TBC1D32: variants seen among roughly 807,000 people sequenced by gnomAD.
TBC1D32 encodes the protein protein broad-minded.
A neutral mutation model predicts 170.3 loss-of-function variants in TBC1D32; 151 were observed. The ratio of observed to expected loss-of-function variants is 0.89; its 90% confidence interval spans 0.78 to 1.01. The LOEUF is 1.01. TBC1D32 is among the 50% of genes least tolerant of loss of function. The pLI is 0.00. For synonymous variants in TBC1D32, 498 were observed against 488.0 expected (o/e 1.02, Z -0.27); for missense variants, 1,464 against 1,457.1 (o/e 1.00, Z -0.08).
At chr6:121,110,757 A>G (rs1779124076) in intron 29 of TBC1D32, among the ~76,000 whole-genome samples, 1 of 152,216 alleles carries the variant, frequency 6.6e-6, no homozygotes, top group Non-Finnish European at 1.5e-5. Flanking sequence ...GGAAATAGCA[A>G]TTCAAAAGAT....
intron 24 of TBC1D32, among the ~76,000 whole-genome samples, chr6:121,159,424 C>G (rs1171162125): frequency 6.6e-6 from 1 of 152,088 alleles, no homozygotes; most frequent in Non-Finnish European, 1.5e-5. Flanking sequence ...TTTAATCAAA[C>G]AGCTGTTGCT....
At chr6:121,229,094 CTTATCT>C (rs1462138348) in intron 20 of TBC1D32, among the ~76,000 whole-genome samples, 2 of 151,970 alleles carry the variant, frequency 1.3e-5, no homozygotes, top group Non-Finnish European at 2.9e-5. Flanking sequence ...TTCCATCCAA[CTTATCT>C]TTATCTTTAA....
At position 121,247,503 on chromosome 6, in the gene TBC1D32, G is replaced by A. The variant is rs918085427; in HGVS notation, c.2019-5164C>T. Among the ~76,000 whole-genome samples the A allele has an allele frequency of 3.3e-5, 5 of 151,696 alleles. No homozygotes were observed. The South Asian group carries it at 1.0e-3, about 32-fold the overall frequency. On this transcript the variant is annotated intron_variant, in intron 17 of 31. Transcript: ENST00000398212. ...AATGTTGAAAGTAAATGGACTAAAT[G>A]CTCCACTTCAAAGAAACAGAGTAGG... is the stretch of plus-strand genomic sequence containing the variant.
chr6:121,089,544 TAGAG>T (rs1197911544), intron 31 of TBC1D32, among the ~76,000 whole-genome samples: 1 of 152,194 alleles, frequency 6.6e-6, no homozygotes, highest in African/African-American at 2.4e-5. Context: ...AATCACCTCT[TAGAG>T]AGCATTCTTT....
At chr6:121,310,911 A>T (rs889432390) in intron 3 of TBC1D32, 64 bp from the exon 4 acceptor site, 1 of 889,460 alleles carries the variant, frequency 1.1e-6, no homozygotes, top group Non-Finnish European at 1.8e-6. Flanking sequence ...GCTATAAGTT[A>T]TTTTTTCAAT....
chr6:121,306,794 A>C (rs189981288), intron 5 of TBC1D32, among the ~76,000 whole-genome samples: 1 of 152,302 alleles, frequency 6.6e-6, no homozygotes, highest in African/African-American at 2.4e-5. Flanking sequence ...AAATAAAATC[A>C]TATCTACTGA....
At chr6:121,182,914 G>GT (rs1788716469) in intron 22 of TBC1D32, among the ~76,000 whole-genome samples, 1 of 151,712 alleles carries the variant, frequency 6.6e-6, no homozygotes, top group African/African-American at 2.4e-5. Context: ...TTTTAATGGT[G>GT]TATTTTTAGA....
chr6:121,278,396 T>C (rs1471178208), intron 15 of TBC1D32, among the ~76,000 whole-genome samples: 1 of 152,130 alleles, frequency 6.6e-6, no homozygotes, highest in East Asian at 1.9e-4. Flanking sequence ...TTATATATCA[T>C]GAACAAGTGG....
In TBC1D32 at chr6:121,154,200, G is replaced by A. The variant is rs117900445; in HGVS notation, c.2773+5810C>T. 7.9e-3 allele frequency among the ~76,000 whole-genome samples: 1,204 copies of A among 152,230 alleles called. 9 individuals carry two copies. The highest frequency in any genetic ancestry group is 0.011 in the Non-Finnish European group (769 of 68,008). ...CGTAGTACCTGGACTGGATAGCACC[G>A]TCCCTCATGGCACAGTCTCTAATGG... On this transcript the variant is annotated intron_variant, in intron 24 of 31. Coordinates refer to ENST00000398212, the MANE Select transcript of TBC1D32 (RefSeq NM_152730.6).
rs1340319994 is a variant in TBC1D32 at position 121,124,357 on chromosome 6, T to C, written c.2983+2021A>G. 3.3e-5 allele frequency among the ~76,000 whole-genome samples: 5 copies of C among 152,092 alleles called. No individual in the cohort carries two copies. In the East Asian group the frequency reaches 7.7e-4, roughly 23 times the overall value. ...TTTTTTTCCCAACATTTTGAGTATA[T>C]TGTCCTACTCATTCTTGTCCTGTAA... is the stretch of plus-strand genomic sequence containing the variant. On this transcript the variant is annotated intron_variant, in intron 26 of 31. Transcript: ENST00000398212.
At chr6:121,099,510 G>T (rs1777774828) in intron 30 of TBC1D32, among the ~76,000 whole-genome samples, 1 of 151,912 alleles carries the variant, frequency 6.6e-6, no homozygotes, top group Non-Finnish European at 1.5e-5. Flanking sequence ...TTAGCAATCT[G>T]CCTACAAATC....
intron 20 of TBC1D32, among the ~76,000 whole-genome samples, chr6:121,236,499 C>T (rs1196117395): frequency 1.3e-5 from 2 of 151,776 alleles, no homozygotes; most frequent in African/African-American, 2.4e-5. Flanking sequence ...ATTTAAAAGA[C>T]CAAATTAGAT....
intron 24 of TBC1D32, among the ~76,000 whole-genome samples, chr6:121,158,533 C>T (rs1785194357): frequency 1.3e-5 from 2 of 152,068 alleles, no homozygotes; most frequent in Non-Finnish European, 1.5e-5. Flanking sequence ...GGTTAAGAAC[C>T]ACTGCTGGGA....
rs200717925 is a variant in TBC1D32, at chr6:121,160,949, T to A, written c.2678A>T (p.Lys893Met). 26 of 1,612,494 alleles carry A rather than the reference T, an allele frequency of 1.6e-5. No individual in the cohort carries two copies. In the Middle Eastern group the frequency reaches 6.6e-4, roughly 41 times the overall value. ...CACTTCTCTTTGCCCCACACTCACC[T>A]TTTCGAGTAACCTCGGAGGCAAAAT... ...ERILPPRLLE[K>M]SDNPYPWPMF... Residue 893 changes from lysine (K) to methionine (M), a missense_variant and splice_region_variant, in exon 23 of 32, where the codon AAG (lysine) becomes ATG (methionine). This residue lies in a region of TBC1D32 where 1,363 missense variants were observed against 1,338.1 expected (regional missense o/e 1.02). Transcript: ENST00000398212.
At chr6:121,205,497 T>A (rs936521371) in intron 21 of TBC1D32, among the ~76,000 whole-genome samples, 33 of 152,230 alleles carry the variant, frequency 2.2e-4, no homozygotes, top group Admixed American at 6.5e-4. Context: ...ATACCATCAG[T>A]TAAATACTGA....
intron 22 of TBC1D32, among the ~76,000 whole-genome samples, chr6:121,196,475 T>C (rs539402909): frequency 1.3e-5 from 2 of 152,330 alleles, no homozygotes; most frequent in South Asian, 4.1e-4. Flanking sequence ...CTCACTGGAA[T>C]AGACACTTAC....
At chr6:121,260,743 C>T (rs1799651816) in intron 15 of TBC1D32, among the ~76,000 whole-genome samples, 1 of 152,236 alleles carries the variant, frequency 6.6e-6, no homozygotes, top group Non-Finnish European at 1.5e-5. Context: ...CGGCTGGAAT[C>T]ATCCTAGGCC....
intron 24 of TBC1D32, among the ~76,000 whole-genome samples, chr6:121,141,500 C>T (rs1782782587): frequency 1.3e-5 from 2 of 152,044 alleles, no homozygotes; most frequent in Non-Finnish European, 2.9e-5. Context: ...AGTGATGGAA[C>T]AGTCACTCTC....
chr6:121,237,340 T>G (rs1796450886), intron 20 of TBC1D32, among the ~76,000 whole-genome samples: 2 of 151,978 alleles, frequency 1.3e-5, no homozygotes, highest in South Asian at 4.1e-4. Context: ...TTTAGCAGTT[T>G]GTCTATGATG....
Sources: gnomAD v4.1 joint callset for allele counts (sites outside exome capture counted in the v4.1 genomes callset) on GRCh38, gnomAD v4.1.1 for gene constraint, gnomAD v4.1.1 regional missense constraint, MANE v1.5 for transcripts, NCBI Gene and HGNC (gene_info 2026-07-23, HGNC 2026-07-21) for gene names.